RIMS2: variants seen among roughly 807,000 people sequenced by gnomAD.
RIMS2 encodes the protein regulating synaptic membrane exocytosis protein 2.
In RIMS2, 59 loss-of-function variants were observed where a neutral mutation model predicts 174.4. That is an observed-to-expected ratio of 0.34 (90% CI 0.27 to 0.42). The LOEUF (loss-of-function observed/expected upper bound fraction) is 0.42, where lower values mean the gene tolerates loss of function less well. RIMS2 is among the 10% of genes least tolerant of loss of function. The probability of loss-of-function intolerance (pLI) is 1.00; values close to 1 mark genes in which losing one functional copy is unlikely to be tolerated. For synonymous variants in RIMS2, 606 were observed against 572.5 expected (o/e 1.06, Z -0.84); for missense variants, 1,620 against 1,666.3 (o/e 0.97, Z 0.48).
intron 1 of RIMS2, among the ~76,000 whole-genome samples, chr8:103,617,133 A>T (rs947511861): frequency 6.6e-6 from 1 of 152,232 alleles, no homozygotes. Context: ...ACAAGGCTAC[A>T]GTAACCAACC....
At chr8:104,227,413 G>A (rs898511996) in intron 19 of RIMS2, among the ~76,000 whole-genome samples, 26 of 151,928 alleles carry the variant, frequency 1.7e-4, no homozygotes, top group African/African-American at 4.6e-4. Flanking sequence ...ACTTGGGCTC[G>A]ACACTGAGTC....
intron 1 of RIMS2, among the ~76,000 whole-genome samples, chr8:103,570,053 T>C (rs1440754701): frequency 2.0e-5 from 3 of 152,260 alleles, no homozygotes; most frequent in African/African-American, 7.2e-5. Context: ...AGTTTTAATC[T>C]ACTCAGTTCT....
At chr8:103,767,939 G>C (rs2098196681) in intron 3 of RIMS2, among the ~76,000 whole-genome samples, 1 of 152,192 alleles carries the variant, frequency 6.6e-6, no homozygotes, top group Non-Finnish European at 1.5e-5. Flanking sequence ...CTCCTTTATT[G>C]TTGGTCCAGG....
chr8:104,248,933 A>ATTTTT (rs3072636), intron 21 of RIMS2, 120 bp downstream of exon 27: 7,220 of 483,590 alleles, frequency 0.015, 159 homozygotes, highest in African/African-American at 0.081. Context: ...CTCTCCCTCT[A>ATTTTT]TTTTTTTTTT....
chr8:104,166,093 G>A (rs1173423853), intron 19 of RIMS2, among the ~76,000 whole-genome samples: 1 of 129,638 alleles, frequency 7.7e-6, no homozygotes, highest in Non-Finnish European at 1.6e-5. Context: ...TTGAGACAGA[G>A]TCTCGCTCTG....
At chr8:104,180,953 A>G (rs1175968034) in intron 19 of RIMS2, among the ~76,000 whole-genome samples, 1 of 151,680 alleles carries the variant, frequency 6.6e-6, no homozygotes, top group Non-Finnish European at 1.5e-5. Flanking sequence ...AAAACAGAAA[A>G]CCTTTTTACT....
chr8:104,097,870 G>A (rs2097789853), intron 19 of RIMS2, among the ~76,000 whole-genome samples: 1 of 151,866 alleles, frequency 6.6e-6, no homozygotes, highest in Non-Finnish European at 1.5e-5. Flanking sequence ...TACTTTTAAT[G>A]CCATTAATTT....
intron 1 of RIMS2, among the ~76,000 whole-genome samples, chr8:103,660,524 A>T (rs1399226052): frequency 1.3e-5 from 2 of 152,276 alleles, no homozygotes; most frequent in East Asian, 3.9e-4. Flanking sequence ...ATTGGTGATG[A>T]TGAGTGGGAA....
At chr8:103,731,195 GA>G (rs2097588872) in intron 2 of RIMS2, among the ~76,000 whole-genome samples, 1 of 152,132 alleles carries the variant, frequency 6.6e-6, no homozygotes, top group Non-Finnish European at 1.5e-5. Flanking sequence ...TTTGGGTGGG[GA>G]CACAGCCAAA....
At chr8:103,968,007 C>G (rs192097416) in intron 15 of RIMS2, among the ~76,000 whole-genome samples, 1 of 151,930 alleles carries the variant, frequency 6.6e-6, no homozygotes, top group Non-Finnish European at 1.5e-5. Context: ...ACTACAGGCA[C>G]ATGCCACCAC....
In RIMS2 at chr8:104,166,059, C is replaced by CTTT. The variant is rs560648211; in HGVS notation, c.3335-78834_3335-78832dup. Among the ~76,000 whole-genome samples the CTTT allele has an allele frequency of 3.1e-3, 308 of 97,802 alleles. 4 individuals are homozygous for CTTT. Among genetic ancestry groups the CTTT allele is most frequent in the Middle Eastern group, 7.4e-3 (1 of 136 alleles). 64.2% of individuals were successfully genotyped at this position (97,802 alleles called of 152,430 possible). ...CTCACTGGAGTGGTATTTTGGATTT[C>CTTT]TTTTTTTTTTTTTTTTTTTTTTTTT... On this transcript the variant is annotated intron_variant, in intron 19 of 23. Transcript: ENST00000504942.
chr8:103,639,174 T>G (rs2096166124), intron 1 of RIMS2, among the ~76,000 whole-genome samples: 1 of 151,992 alleles, frequency 6.6e-6, no homozygotes, highest in Non-Finnish European at 1.5e-5. Flanking sequence ...TACAGTTATC[T>G]AGTTAAAATA....
chr8:103,607,470 A>G (rs1478353188), intron 1 of RIMS2, among the ~76,000 whole-genome samples: 1 of 151,362 alleles, frequency 6.6e-6, no homozygotes, highest in East Asian at 1.9e-4. Context: ...GAATCTGACA[A>G]TTGTGTTCTT....
At chr8:103,936,620 T>C in exon 13 of RIMS2, 1 of 1,610,570 alleles carries the variant, frequency 6.2e-7, no homozygotes, top group Non-Finnish European at 8.5e-7. Context: ...AAACATTCAT[T>C]TATTCTCCAG....
At chr8:103,960,900 A>C (rs927946010) in intron 14 of RIMS2, among the ~76,000 whole-genome samples, 165 bp from the exon 17 acceptor site, 2 of 152,178 alleles carry the variant, frequency 1.3e-5, no homozygotes, top group South Asian at 4.1e-4. Context: ...CATGAAATGC[A>C]TGTGAAAATA....
intron 19 of RIMS2, among the ~76,000 whole-genome samples, chr8:104,237,424 G>A (rs2099264354): frequency 1.3e-5 from 2 of 152,172 alleles, no homozygotes; most frequent in Non-Finnish European, 2.9e-5. Flanking sequence ...AGGAGACATA[G>A]TGAGTCATAC....
At chr8:103,577,517 G>A (rs892578746) in intron 1 of RIMS2, among the ~76,000 whole-genome samples, 1 of 152,100 alleles carries the variant, frequency 6.6e-6, no homozygotes, top group African/African-American at 2.4e-5. Flanking sequence ...TGTAGGTGAC[G>A]GGTTGACAGG....
chr8:104,137,926 C>A (rs1018454088), intron 19 of RIMS2, among the ~76,000 whole-genome samples: 9 of 152,040 alleles, frequency 5.9e-5, no homozygotes, highest in Non-Finnish European at 1.3e-4. Flanking sequence ...TCCCTATTCT[C>A]CCCACCTGCC....
At chr8:103,794,266 A>G (rs1191329722) in intron 3 of RIMS2, among the ~76,000 whole-genome samples, 1 of 152,222 alleles carries the variant, frequency 6.6e-6, no homozygotes, top group African/African-American at 2.4e-5. Flanking sequence ...CAGAGCCCTC[A>G]GAAAGAATAC....
Sources: allele counts gnomAD v4.1 joint callset (sites outside exome capture counted in the v4.1 genomes callset), GRCh38; gene constraint gnomAD v4.1.1; transcripts MANE v1.5; gene names NCBI Gene and HGNC (gene_info 2026-07-23, HGNC 2026-07-21).